SPRY3: variants seen among roughly 807,000 people sequenced by gnomAD.
SPRY3 encodes sprouty RTK signaling antagonist 3, also known as protein sprouty homolog 3.
SPRY3 carries 15 observed loss-of-function variants against 20.2 expected under a neutral mutation model. The observed-to-expected ratio is 0.74, with a 90% CI of 0.50 to 1.14. SPRY3 has a LOEUF of 1.14. SPRY3 is among the 50% of genes most tolerant of loss of function. The probability of loss-of-function intolerance (pLI) is 0.00; values close to 1 mark genes in which losing one functional copy is unlikely to be tolerated. For synonymous variants in SPRY3, 143 were observed against 136.5 expected (o/e 1.05, Z -0.33); for missense variants, 364 against 363.9 (o/e 1.00, Z 0.00).
At chrX:155,672,405 G>A (rs2124560370) in intron 2 of SPRY3, among the ~76,000 whole-genome samples, 1 of 110,725 alleles carries the variant, frequency 9.0e-6, no homozygotes, top group African/African-American at 3.3e-5. Context: ...GTGGGCAAAG[G>A]ATATGAACAG....
intron 1 of SPRY3, among the ~76,000 whole-genome samples, chrX:155,616,054 C>A (rs1479946257): frequency 9.4e-6 from 1 of 106,377 alleles, no homozygotes; most frequent in Non-Finnish European, 1.9e-5. Flanking sequence ...GTGACATTGA[C>A]TCTATCATTC....
chrX:155,686,990 G>T (rs2068089579), intron 2 of SPRY3, among the ~76,000 whole-genome samples: 1 of 112,751 alleles, frequency 8.9e-6, no homozygotes, highest in Non-Finnish European at 1.9e-5. Flanking sequence ...GAGGCCAGGG[G>T]CTGCCAGAAC....
At chrX:155,692,088 GAACTC>G (rs2124574623) in intron 2 of SPRY3, among the ~76,000 whole-genome samples, 1 of 109,128 alleles carries the variant, frequency 9.2e-6, no homozygotes, top group African/African-American at 3.4e-5. Flanking sequence ...CTTAAAAAAT[GAACTC>G]GTGGAGATAG....
At chrX:155,780,481 C>G (rs2091456794), downstream of SPRY3, 1 of 167,002 alleles carries the variant, frequency 6.0e-6, no homozygotes, top group African/African-American at 2.4e-5. Flanking sequence ...TACAAAGAAA[C>G]TGCAAGGAAA....
At chrX:155,705,766 T>C (rs1469625570) in intron 2 of SPRY3, among the ~76,000 whole-genome samples, 1 of 151,360 alleles carries the variant, frequency 6.6e-6, no homozygotes, top group Non-Finnish European at 1.5e-5. Flanking sequence ...AACAGGGATA[T>C]AGAGAGACAT....
chrX:155,714,740 A>G (rs2091010054), intron 2 of SPRY3, among the ~76,000 whole-genome samples: 1 of 152,046 alleles, frequency 6.6e-6, no homozygotes, highest in South Asian at 2.1e-4. Context: ...AAAATGTAGC[A>G]ATTTACCTGA....
At chrX:155,718,246 G>A (rs1481515285) in intron 2 of SPRY3, among the ~76,000 whole-genome samples, 2 of 152,010 alleles carry the variant, frequency 1.3e-5, no homozygotes, top group Non-Finnish European at 2.9e-5. Flanking sequence ...TTTTAAATAC[G>A]ATTTGATAAA....
At chrX:155,774,934 C>T in exon 4 of SPRY3, 1 of 648,014 alleles carries the variant, frequency 1.5e-6, no homozygotes, top group Non-Finnish European at 2.7e-6. Context: ...ATCTATCCCA[C>T]TCCTCTTCAG....
At chrX:155,683,643 CA>C (rs1308819064) in intron 2 of SPRY3, among the ~76,000 whole-genome samples, 2 of 111,637 alleles carry the variant, frequency 1.8e-5, no homozygotes, top group Non-Finnish European at 3.8e-5. Flanking sequence ...CATGAACCCA[CA>C]ATATCTCTGA....
chrX:155,651,775 TG>T (rs1450439681), intron 1 of SPRY3, among the ~76,000 whole-genome samples: 1 of 112,306 alleles, frequency 8.9e-6, no homozygotes, highest in Admixed American at 9.4e-5. Flanking sequence ...AATATAGGCA[TG>T]CAATGCATAA....
At chrX:155,672,138 G>T (rs1480522497) in intron 2 of SPRY3, among the ~76,000 whole-genome samples, 4 of 111,363 alleles carry the variant, frequency 3.6e-5, no homozygotes, top group Admixed American at 9.6e-5. Context: ...GGGTTCTTTT[G>T]TGGTTCCATA....
intron 1 of SPRY3, among the ~76,000 whole-genome samples, chrX:155,634,366 A>G (rs73579159): frequency 1.3e-3 from 149 of 111,820 alleles, no homozygotes; most frequent in African/African-American, 4.7e-3. Context: ...TACCTTTATC[A>G]TGTGTGGACT....
At chrX:155,782,253 T>G (rs1292439984) in exon 2 of SPRY3, 1 of 166,922 alleles carries the variant, frequency 6.0e-6, no homozygotes, top group Non-Finnish European at 1.5e-5. Context: ...ATAGATTATT[T>G]GAGGATCTAG....
intron 2 of SPRY3, among the ~76,000 whole-genome samples, chrX:155,733,405 T>C (rs1316578245): frequency 6.6e-6 from 1 of 151,010 alleles, no homozygotes; most frequent in Non-Finnish European, 1.5e-5. Context: ...TATACATATA[T>C]ATGCTGAAGA....
At chrX:155,717,312 T>C (rs1239034347) in intron 2 of SPRY3, among the ~76,000 whole-genome samples, 1 of 152,016 alleles carries the variant, frequency 6.6e-6, no homozygotes, top group Non-Finnish European at 1.5e-5. Flanking sequence ...TCCCATTACA[T>C]TTCTAGTTTA....
chrX:155,750,021 T>G (rs774418877), intron 2 of SPRY3, among the ~76,000 whole-genome samples: 1 of 151,766 alleles, frequency 6.6e-6, no homozygotes, highest in African/African-American at 2.4e-5. Context: ...GATTGAGTCT[T>G]ACATTACTTC....
At chrX:155,735,892 T>C (rs1602976299) in intron 2 of SPRY3, among the ~76,000 whole-genome samples, 1 of 152,058 alleles carries the variant, frequency 6.6e-6, no homozygotes, top group East Asian at 1.9e-4. Flanking sequence ...TTTTCTATCT[T>C]CCACTCTTTT....
intron 2 of SPRY3, among the ~76,000 whole-genome samples, chrX:155,734,301 T>C (rs2091153747): frequency 6.6e-6 from 1 of 152,094 alleles, no homozygotes; most frequent in Admixed American, 6.6e-5. Flanking sequence ...TGTTGTATTT[T>C]AGGGAATAGG....
chrX:155,708,118 T>C (rs1453870908), intron 2 of SPRY3, among the ~76,000 whole-genome samples: 2 of 151,324 alleles, frequency 1.3e-5, no homozygotes, highest in African/African-American at 2.4e-5. Flanking sequence ...TGGCTCTTAA[T>C]TTATCAGTCT....
Sources: gnomAD v4.1 joint callset for allele counts (sites outside exome capture counted in the v4.1 genomes callset) on GRCh38, gnomAD v4.1.1 for gene constraint, MANE v1.5 for transcripts, NCBI Gene and HGNC (gene_info 2026-07-23, HGNC 2026-07-21) for gene names.